The following DAB1 variants were observed in gnomAD, a reference collection of about 807,000 sequenced individuals.
DAB1 encodes disabled homolog 1.
In DAB1, 15 loss-of-function variants were observed where a neutral mutation model predicts 64.6. The ratio of observed to expected loss-of-function variants is 0.23; its 90% CI spans 0.16 to 0.36. DAB1 has a LOEUF of 0.36. Among genes scored for constraint, DAB1 ranks in the 10% least tolerant of loss-of-function variants. The pLI is 1.00. For synonymous variants in DAB1, 235 were observed against 251.9 expected (o/e 0.93, Z 0.64); for missense variants, 596 against 706.7 (o/e 0.84, Z 1.78).
intron 7 of DAB1, among the ~76,000 whole-genome samples, chr1:57,600,786 T>A (rs944041765): frequency 6.6e-6 from 1 of 152,196 alleles, no homozygotes; most frequent in Non-Finnish European, 1.5e-5. Context: ...AAAAATGAGA[T>A]GGGAGCTCTG....
chr1:57,695,364 GAAAGAAAGA>G (rs1646821517), intron 6 of DAB1, among the ~76,000 whole-genome samples: 1 of 40,162 alleles, frequency 2.5e-5, no homozygotes, highest in Non-Finnish European at 4.2e-5. Flanking sequence ...AAAGAAAGAA[GAAAGAAAGA>G]AAGAAAGAAA....
intron 4 of DAB1, among the ~76,000 whole-genome samples, chr1:57,121,569 A>AAAG (rs59770805): frequency 0.025 from 3,869 of 152,148 alleles, 152 homozygotes; most frequent in African/African-American, 0.088. Context: ...AGAAAAAGAA[A>AAAG]AAGAAAAAAG....
rs555144623 is a variant in DAB1, at chr1:57,996,851, G to A, written n.388-112689C>T. Reference sequence around the variant, plus strand: ...AGAATTTTCTCTTCCTTAGTGATTCGTTTTAATGCCAGGCCACTCTTAGCA... The same window carrying A: ...AGAATTTTCTCTTCCTTAGTGATTCATTTTAATGCCAGGCCACTCTTAGCA... On this transcript the variant is annotated intron_variant and non_coding_transcript_variant, in intron 5 of 20. Transcript: ENST00000485760. Among the ~76,000 whole-genome samples the A allele has an allele frequency of 5.7e-4, 87 of 152,144 alleles. 1 individual carries two copies. Among genetic ancestry groups the A allele is most frequent in the South Asian group, 2.1e-4 (1 of 4,810 alleles).
intron 6 of DAB1, among the ~76,000 whole-genome samples, chr1:57,752,368 C>A (rs1002783027): frequency 6.6e-6 from 1 of 152,108 alleles, no homozygotes; most frequent in Non-Finnish European, 1.5e-5. Flanking sequence ...AAAGGAAGCA[C>A]CATTCTTTCA....
At chr1:57,350,015 A>G (rs1037942851) in intron 1 of DAB1, among the ~76,000 whole-genome samples, 5 of 152,202 alleles carry the variant, frequency 3.3e-5, no homozygotes, top group African/African-American at 1.2e-4. Flanking sequence ...ACAGATATTT[A>G]TAAATAGATT....
rs868534929 is a variant in DAB1, at chr1:58,126,903, A to G, written n.387+23608T>C. ...TTCCAAGTCTTTGCTATTGTGAATAATGCCGCAATAAACATACGTGTGCAT... is the reference window on the plus strand; with the variant it reads ...TTCCAAGTCTTTGCTATTGTGAATAGTGCCGCAATAAACATACGTGTGCAT... On this transcript the variant is annotated intron_variant and non_coding_transcript_variant, in intron 5 of 20. Coordinates refer to the DAB1 transcript ENST00000485760. Among the ~76,000 whole-genome samples, 1,237 of 144,054 alleles carry G rather than the reference A, an allele frequency of 8.6e-3. 40 individuals carry two copies. The highest frequency in any genetic ancestry group is 0.014 in the Middle Eastern group (4 of 294). The allele number at this position is 144,054 out of a possible 152,430, so 94.5% of individuals were successfully genotyped here. A position where few individuals can be genotyped will look rare whatever the true frequency, so the allele number is the denominator to read the frequency against.
intron 5 of DAB1, among the ~76,000 whole-genome samples, chr1:57,934,063 TTGTGTGTGTGTGTG>T (rs55848780): frequency 3.3e-4 from 42 of 128,102 alleles, no homozygotes; most frequent in Non-Finnish European, 5.6e-4. Context: ...GCCCAGCTAA[TTGTGTGTGTGTGTG>T]TGTGTGTGTG....
intron 5 of DAB1, among the ~76,000 whole-genome samples, chr1:57,974,291 T>G (rs1645867380): frequency 6.6e-6 from 1 of 152,118 alleles, no homozygotes; most frequent in South Asian, 2.1e-4. Flanking sequence ...TGTTTAACAA[T>G]GAGTGCCATT....
intron 3 of DAB1, among the ~76,000 whole-genome samples, chr1:58,359,929 A>C (rs17496442): frequency 0.088 from 13,376 of 152,180 alleles, 704 homozygotes; most frequent in Middle Eastern, 0.15. Context: ...AAGGTGATTC[A>C]TCCTTCCTCG....
intron 9 of DAB1, among the ~76,000 whole-genome samples, chr1:57,053,880 T>C (rs925018572): frequency 6.6e-6 from 1 of 151,414 alleles, no homozygotes; most frequent in African/African-American, 2.4e-5. Flanking sequence ...AGAGACAGGG[T>C]TTCACCATGT....
At chr1:57,076,240 C>T (rs1651977630) in intron 4 of DAB1, among the ~76,000 whole-genome samples, 1 of 152,150 alleles carries the variant, frequency 6.6e-6, no homozygotes. Context: ...GGAGAACAGC[C>T]AGAGAATACC....
intron 2 of DAB1, among the ~76,000 whole-genome samples, chr1:57,180,514 G>A (rs155313): frequency 0.025 from 3,844 of 152,228 alleles, 158 homozygotes; most frequent in African/African-American, 0.088. Context: ...CAAGACTTGC[G>A]GATGGGGGGT....
intron 6 of DAB1, among the ~76,000 whole-genome samples, chr1:57,764,221 C>T (rs1217795351): frequency 6.6e-6 from 1 of 152,138 alleles, no homozygotes; most frequent in African/African-American, 2.4e-5. Flanking sequence ...GCCATGAATT[C>T]AGGTCTTAGC....
chr1:57,460,608 A>G (rs1686750125), intron 7 of DAB1, among the ~76,000 whole-genome samples: 1 of 152,172 alleles, frequency 6.6e-6, no homozygotes, highest in South Asian at 2.1e-4. Flanking sequence ...TCTAAACCTC[A>G]TTTGATGCAC....
chr1:58,053,309 G>A (rs962913790), intron 5 of DAB1, among the ~76,000 whole-genome samples: 5 of 152,178 alleles, frequency 3.3e-5, no homozygotes, highest in Admixed American at 6.5e-5. Flanking sequence ...CTGATGTCTG[G>A]AAAGGTTCAA....
intron 5 of DAB1, among the ~76,000 whole-genome samples, chr1:57,931,482 T>C (rs1196067770): frequency 6.6e-6 from 1 of 152,244 alleles, no homozygotes; most frequent in Non-Finnish European, 1.5e-5. Flanking sequence ...CATCTAGGCC[T>C]GGTCCCTTCT....
At chr1:57,076,454 C>T (rs578042923) in intron 4 of DAB1, among the ~76,000 whole-genome samples, 36 of 152,330 alleles carry the variant, frequency 2.4e-4, no homozygotes, top group African/African-American at 7.7e-4. Flanking sequence ...TCTCCCCATC[C>T]TGAACTCTTC....
chr1:58,097,502 G>A (rs905244582), intron 5 of DAB1, among the ~76,000 whole-genome samples: 6 of 151,454 alleles, frequency 4.0e-5, no homozygotes, highest in Non-Finnish European at 7.4e-5. Flanking sequence ...CATTGGGAAC[G>A]GGGGATGTTC....
chr1:57,735,716 T>C (rs1411630352), intron 6 of DAB1, among the ~76,000 whole-genome samples: 1 of 151,972 alleles, frequency 6.6e-6, no homozygotes, highest in Non-Finnish European at 1.5e-5. Flanking sequence ...ATTCAGTCTT[T>C]TGTCTTGACT....
Sources: allele counts gnomAD v4.1 joint callset (sites outside exome capture counted in the v4.1 genomes callset), GRCh38; gene constraint gnomAD v4.1.1; transcripts MANE v1.5; gene names NCBI Gene and HGNC (gene_info 2026-07-23, HGNC 2026-07-21).